KRT39: variants seen among roughly 807,000 people sequenced by gnomAD.
KRT39 encodes keratin, type I cytoskeletal 39.
KRT39 carries 47 observed loss-of-function variants against 54.8 expected under a neutral mutation model. The ratio of observed to expected loss-of-function variants is 0.86; its 90% CI spans 0.68 to 1.09. The LOEUF (loss-of-function observed/expected upper bound fraction) is 1.09, where lower values mean the gene tolerates loss of function less well. Among genes scored for constraint, KRT39 ranks in the 50% least tolerant of loss-of-function variants. KRT39 has a pLI of 0.00. For synonymous variants in KRT39, 207 were observed against 227.9 expected (o/e 0.91, Z 0.83); for missense variants, 580 against 598.5 (o/e 0.97, Z 0.32).
At position 40,960,516 on chromosome 17, in the gene KRT39, G is replaced by T. The variant is rs753650153; in HGVS notation, c.997-15C>A. The T allele has an allele frequency of 2.5e-6, 4 of 1,594,400 alleles. No individual in the cohort carries two copies. Among genetic ancestry groups the T allele is most frequent in the Non-Finnish European group, 3.4e-6 (4 of 1,162,170 alleles). On this transcript the variant is annotated splice_polypyrimidine_tract_variant and intron_variant, in intron 5 of 6. Coordinates refer to ENST00000355612, the MANE Select transcript of KRT39 (RefSeq NM_213656.4). Reference sequence around the variant, plus strand: ...TGGGAATCTCTCTACCATGGAGAAGGATAGTAGGATTTATAATGACTCCTT... The same window carrying T: ...TGGGAATCTCTCTACCATGGAGAAGTATAGTAGGATTTATAATGACTCCTT...
In KRT39 at chr17:40,966,405, T is replaced by G. The variant is rs773039053; in HGVS notation, c.452A>C (p.Glu151Ala). Reference sequence around the variant, plus strand: ...GAATCTTACCTTCTGCTGGAGCTCCTCAATGGTAGTGTAGTAAGACAGGTA... The same window carrying G: ...GAATCTTACCTTCTGCTGGAGCTCCGCAATGGTAGTGTAGTAAGACAGGTA... ...PDYLSYYTTI[E>A]ELQQKILCTK... Residue 151 changes from glutamate to alanine, a missense_variant, in exon 1 of 7, where the codon GAG becomes GCG. Glu to Ala is a moderately radical substitution (Grantham distance 107). Transcript: ENST00000355612. The G allele has an allele frequency of 6.2e-7, 1 of 1,611,756 alleles. No homozygotes were observed. Among genetic ancestry groups the G allele is most frequent in the Admixed American group, 1.7e-5 (1 of 59,962 alleles).
At position 40,962,176 on chromosome 17, in the gene KRT39, C is replaced by T; in HGVS notation, c.982G>A (p.Ala328Thr). Residue 328 changes from alanine to threonine, a missense_variant, in exon 5 of 7, where the codon GCC becomes ACC. Transcript: ENST00000355612. ...SVNTLEVELQ[A>T]QHRMRDSQEC... ...TTGCTCAGTACCATTCGATGCTGGGCCTGCAGTTCAACCTCCAGAGTGTTC... is the reference window on the plus strand; with the variant it reads ...TTGCTCAGTACCATTCGATGCTGGGTCTGCAGTTCAACCTCCAGAGTGTTC... 6.2e-7 allele frequency: 1 copy of T among 1,614,136 alleles called. No homozygotes were observed. Among genetic ancestry groups the T allele is most frequent in the Non-Finnish European group, 8.5e-7 (1 of 1,180,004 alleles).
In KRT39 at chr17:40,964,413, T is replaced by C. The variant is rs1319105267; in HGVS notation, c.551+33A>G. 1.9e-6 allele frequency: 3 copies of C among 1,590,090 alleles called. No individual in the cohort carries two copies. The East Asian group carries it at 6.7e-5, about 36-fold the overall frequency. On this transcript the variant is annotated intron_variant, in intron 2 of 6. Coordinates refer to ENST00000355612, the MANE Select transcript of KRT39 (RefSeq NM_213656.4). Reference sequence around the variant, plus strand: ...CATCTCGGTCAGACTCAGGGTGAGCTCTGTCATTGATGACGGTGTTGGGTG... The same window carrying C: ...CATCTCGGTCAGACTCAGGGTGAGCCCTGTCATTGATGACGGTGTTGGGTG...
At position 40,963,145 on chromosome 17, in the gene KRT39, G is replaced by A. The variant is rs1035075063; in HGVS notation, c.708+482C>T. ...TGCTAGTAGCAGTAGGTATTTTCAG[G>A]GCTAAACCAGAGTAGTACGTAGCAG... On this transcript the variant is annotated intron_variant, in intron 3 of 6. Coordinates refer to ENST00000355612, the MANE Select transcript of KRT39 (RefSeq NM_213656.4). Among the ~76,000 whole-genome samples the A allele has an allele frequency of 2.0e-5, 3 of 152,140 alleles. No individual in the cohort carries two copies. The East Asian group carries it at 5.8e-4, about 29-fold the overall frequency.
chr17:40,958,884 G>T (rs1911018621), intron 6 of KRT39, 25 bp from the exon 7 acceptor site: 1 of 1,551,594 alleles, frequency 6.4e-7, no homozygotes, highest in East Asian at 2.3e-5. Flanking sequence ...CACAATTTTA[G>T]CTGTGATTGA....
intron 5 of KRT39, chr17:40,960,763 C>A: frequency 1.8e-6 from 1 of 549,314 alleles, no homozygotes; most frequent in Non-Finnish European, 3.2e-6. Flanking sequence ...CTTTCTTGAC[C>A]AACCAATAGT....
At position 40,966,505 on chromosome 17, in the gene KRT39, C is replaced by T; in HGVS notation, c.352G>A (p.Glu118Lys). Reference protein sequence around the residue: ...ANYLQKVRMLERENAELESKI... With the variant: ...ANYLQKVRMLKRENAELESKI... ...GATTCCAGTTCAGCATTCTCTCGTT[C>T]TAGCATTCGCACCTTTTGCAGGTAG... Residue 118 changes from glutamate (E) to lysine (K), a missense_variant, in exon 1 of 7, where the codon GAA becomes AAA. Physicochemically the swap from Glu to Lys is moderately conservative, Grantham distance 56. Transcript: ENST00000355612. 6.2e-7 allele frequency: 1 copy of T among 1,614,152 alleles called. No homozygotes were observed. The highest frequency in any genetic ancestry group is 8.5e-7 in the Non-Finnish European group (1 of 1,180,014).
chr17:40,966,620 A>C lies in KRT39; in HGVS notation c.237T>G (p.Arg79=), dbSNP rs777425880. ...PIYLMNNFNA[R]FSLDDCSWYG... is the part of the protein sequence containing the mutation. ...ACCAGCTGCAGTCATCCAGAGAAAA[A>C]CGGGCATTGAAGTTGTTCATTAGGT... The change falls in exon 1 of 7, where the codon CGT becomes CGG. Residue 79 remains arginine, a synonymous_variant. Transcript: ENST00000355612. The C allele has an allele frequency of 6.2e-7, 1 of 1,614,166 alleles. No individual in the cohort carries two copies. The highest frequency in any genetic ancestry group is 1.7e-5 in the Admixed American group (1 of 60,004).
rs1910990300 is a variant in KRT39, at chr17:40,958,418, GT to G, written c.*182del. ...CCAGAGAAATGTAATTTATTATCAT[GT>G]TAGCAGTGGTGAGTTAGGGAAGGAG... On this transcript the variant is annotated 3_prime_UTR_variant, in exon 7 of 7. Transcript: ENST00000355612. 2 of 542,570 alleles carry G rather than the reference GT, an allele frequency of 3.7e-6. No homozygotes were observed. Among genetic ancestry groups the G allele is most frequent in the African/African-American group, 3.9e-5 (2 of 51,306 alleles). 33.6% of individuals were successfully genotyped at this position (542,570 alleles called of 1,614,324 possible). A position where few individuals can be genotyped will look rare whatever the true frequency, so the allele number is the denominator to read the frequency against.
At chr17:40,964,335 A>T (rs1911273004) in intron 2 of KRT39, 111 bp downstream of exon 2, 1 of 847,630 alleles carries the variant, frequency 1.2e-6, no homozygotes. Flanking sequence ...GGCTTGTGCC[A>T]ACATCATCTG....
intron 2 of KRT39, chr17:40,964,128 C>A (rs747566564): frequency 7.3e-5 from 32 of 440,954 alleles, no homozygotes; most frequent in Non-Finnish European, 6.8e-5. Flanking sequence ...GTTATGCTTA[C>A]CTTTGGGTGA....
In KRT39 at chr17:40,963,733, C is replaced by A; in HGVS notation, c.602G>T (p.Gly201Val). 1 of 1,608,286 alleles carries A rather than the reference C, an allele frequency of 6.2e-7. No homozygotes were observed. The highest frequency in any genetic ancestry group is 8.5e-7 in the Non-Finnish European group (1 of 1,175,426). The part of the protein sequence containing the change: ...LRQLVESDAN[G>V]LKQILNVLTL... ...CAGCACATTCAGGATCTGCTTGAGG[C>A]CATTGGCATCTGACTCTACCAGCTG... The change falls in exon 3 of 7, where the codon GGC becomes GTC. Residue 201 changes from glycine (G) to valine (V), a missense_variant. Physicochemically the swap from Gly to Val is moderately radical, Grantham distance 109. Coordinates refer to ENST00000355612, the MANE Select transcript of KRT39 (RefSeq NM_213656.4).
Position 40,963,680 on chromosome 17 carries a change from G to T in KRT39, c.655C>A (p.Gln219Lys), listed in dbSNP as rs745900157. 2 of 1,611,550 alleles carry T rather than the reference G, an allele frequency of 1.2e-6. No individual in the cohort carries two copies. The highest frequency in any genetic ancestry group is 2.2e-5 in the East Asian group (1 of 44,844). ...AGCTCCTCTTTCAGAGACTGGACTT[G>T]TGCCTCTAGGTCGGCCTTGCCCAGG... The part of the protein sequence containing the change: ...LTLGKADLEA[Q>K]VQSLKEELLC... Residue 219 changes from glutamine (Q) to lysine (K), a missense_variant, in exon 3 of 7, where the codon CAA (glutamine) becomes AAA (lysine). Physicochemically the swap from Gln to Lys is moderately conservative, Grantham distance 53 (BLOSUM62 1). Transcript: ENST00000355612.
chr17:40,966,318 G>T, intron 1 of KRT39, 71 bp downstream of exon 1: 1 of 1,263,634 alleles, frequency 7.9e-7, no homozygotes, highest in Non-Finnish European at 1.1e-6. Flanking sequence ...AAATATTAAA[G>T]TTTAGCAAAT....
At chr17:40,964,337 C>T (rs1476692762) in intron 2 of KRT39, 109 bp downstream of exon 2, 2 of 858,282 alleles carry the variant, frequency 2.3e-6, no homozygotes, top group Non-Finnish European at 4.0e-6. Context: ...CTTGTGCCAA[C>T]ATCATCTGGG....
intron 6 of KRT39, 135 bp downstream of exon 6, chr17:40,960,146 G>A (rs1911077913): frequency 5.7e-6 from 4 of 704,426 alleles, no homozygotes; most frequent in Non-Finnish European, 9.8e-6. Flanking sequence ...GAGGGTGTGT[G>A]GATGCCTCTG....
rs1245426306 is a variant in KRT39, at chr17:40,958,676, C to G, written c.1401G>C (p.Glu467Asp). 1.2e-6 allele frequency: 2 copies of G among 1,614,074 alleles called. No individual in the cohort carries two copies. The highest frequency in any genetic ancestry group is 2.2e-5 in the South Asian group (2 of 91,058). Residue 467 changes from glutamate (E) to aspartate (D), a missense_variant, in exon 7 of 7, where the codon GAG (glutamate) becomes GAC (aspartate). Physicochemically the swap from Glu to Asp is conservative, Grantham distance 45. Coordinates refer to ENST00000355612, the MANE Select transcript of KRT39 (RefSeq NM_213656.4). Reference sequence around the variant, plus strand: ...AAGAAATGACCTTCCCATCCTTAATCTCCTTGGTGATGGTGCAAATTTTAA... The same window carrying G: ...AAGAAATGACCTTCCCATCCTTAATGTCCTTGGTGATGGTGCAAATTTTAA... Reference protein sequence around the residue: ...ILVKICTITKEIKDGKVISSY... With the variant: ...ILVKICTITKDIKDGKVISSY...
At chr17:40,960,915 A>G (rs1340416005) in intron 5 of KRT39, among the ~76,000 whole-genome samples, 1 of 152,154 alleles carries the variant, frequency 6.6e-6, no homozygotes, top group East Asian at 1.9e-4. Context: ...GTGGATCACA[A>G]GGTCAGGAGT....
intron 6 of KRT39, among the ~76,000 whole-genome samples, chr17:40,960,017 G>T (rs915687691): frequency 6.6e-6 from 1 of 152,134 alleles, no homozygotes; most frequent in East Asian, 1.9e-4. Flanking sequence ...ACTCTAAGAA[G>T]GTAAGCAACC....
Sources: allele counts gnomAD v4.1 joint callset (sites outside exome capture counted in the v4.1 genomes callset), GRCh38; gene constraint gnomAD v4.1.1; transcripts MANE v1.5; gene names NCBI Gene and HGNC (gene_info 2026-07-23, HGNC 2026-07-21).